The following AMZ1 variants were observed in gnomAD, a reference collection of about 807,000 sequenced individuals.
AMZ1 encodes the protein archaemetzincin-1.
AMZ1 carries 39 observed loss-of-function variants against 29.9 expected under a neutral mutation model. That is an observed-to-expected ratio of 1.30 (90% CI 1.01 to 1.70). The LOEUF is 1.70. Ranked by LOEUF, AMZ1 falls within the 40% of genes most tolerant of loss-of-function variation. The pLI, the probability that AMZ1 is intolerant of heterozygous loss-of-function variation, is 0.00. For synonymous variants in AMZ1, 458 were observed against 304.0 expected, an observed-to-expected ratio of 1.51 and a Z score of -5.27; for missense variants, 1,041 against 680.6, an observed-to-expected ratio of 1.53 and a Z score of -5.89.
chr7:2,756,160 T>C (rs1052682845), intron 4 of AMZ1, among the ~76,000 whole-genome samples: 1 of 152,168 alleles, frequency 6.6e-6, no homozygotes, highest in African/African-American at 2.4e-5. Context: ...ATATGGCCAA[T>C]TGATTTATAA....
chr7:2,758,774 A>C (rs1452180509), intron 4 of AMZ1, among the ~76,000 whole-genome samples: 1 of 152,172 alleles, frequency 6.6e-6, no homozygotes, highest in Non-Finnish European at 1.5e-5. Context: ...TTCAGTGGAT[A>C]ATCAAGTGCA....
At chr7:2,687,129 C>A (rs956863536), upstream of AMZ1, among the ~76,000 whole-genome samples, 1 of 151,948 alleles carries the variant, frequency 6.6e-6, no homozygotes, top group Non-Finnish European at 1.5e-5. Context: ...GAGTTTGATA[C>A]CAGCCTGGCC....
chr7:2,701,475 C>T (rs917562381), intron 2 of AMZ1, among the ~76,000 whole-genome samples: 3 of 152,122 alleles, frequency 2.0e-5, no homozygotes, highest in Admixed American at 6.6e-5. Context: ...TCACTGTCCT[C>T]AGAGCTCTGT....
At chr7:2,757,128 C>CT (rs1562409543) in intron 4 of AMZ1, among the ~76,000 whole-genome samples, 16,547 of 112,386 alleles carry the variant, frequency 0.15, 1,665 homozygotes, top group Non-Finnish European at 0.21. Flanking sequence ...ATCAGGTGGG[C>CT]CTTTTTTTTT....
chr7:2,709,637 C>A lies in AMZ1; in HGVS notation c.772-3C>A. ...GCAAGGTGCTTGGTGGCCTTCCCCC[C>A]AGGTCACGTGCCACGAGCTCTGCCA... On this transcript the variant is annotated splice_polypyrimidine_tract_variant and splice_region_variant and intron_variant, in intron 5 of 6. Transcript: ENST00000683327. 6.2e-7 allele frequency: 1 copy of A among 1,607,452 alleles called. No individual in the cohort carries two copies. Among genetic ancestry groups the A allele is most frequent in the Non-Finnish European group, 8.5e-7 (1 of 1,177,710 alleles).
chr7:2,699,540 C>A (rs542772454), intron 1 of AMZ1, among the ~76,000 whole-genome samples: 26 of 152,022 alleles, frequency 1.7e-4, no homozygotes, highest in African/African-American at 6.3e-4. Flanking sequence ...CGCCCCCCCC[C>A]AAACATATGC....
At position 2,718,429 on chromosome 7, in the gene AMZ1, T is replaced by C. The variant is rs1583188574; in HGVS notation, c.*5551T>C. Among the ~76,000 whole-genome samples, 1 of 152,152 alleles carries C rather than the reference T, an allele frequency of 6.6e-6. No individual in the cohort carries two copies. Among genetic ancestry groups the C allele is most frequent in the East Asian group, 1.9e-4 (1 of 5,174 alleles). On this transcript the variant is annotated 3_prime_UTR_variant, in exon 7 of 7. Transcript: ENST00000683327. ...AAGGGCCCTCACCGCGCTTTGTGAGTCTGTCTCGTGGGCCTCCTTCAGTGG... is the reference window on the plus strand; with the variant it reads ...AAGGGCCCTCACCGCGCTTTGTGAGCCTGTCTCGTGGGCCTCCTTCAGTGG...
chr7:2,702,864 C>A lies in AMZ1; in HGVS notation c.447C>A (p.Asp149Glu). 1 of 1,587,910 alleles carries A rather than the reference C, an allele frequency of 6.3e-7. No homozygotes were observed. ...GCTGCTCCTCGCGGCCCAGCCGGGA[C>A]TCTGACAGGCTCCAGCTCCACACAG... ...SIRCSSRPSR[D>E]SDRLQLHTDG... Residue 149 changes from aspartate to glutamate, a missense_variant, in exon 3 of 7, where the codon GAC (aspartate) becomes GAA (glutamate). Transcript: ENST00000683327.
At position 2,731,303 on chromosome 7, in the gene AMZ1, G is replaced by T; in HGVS notation, n.550+21487G>T. The T allele has an allele frequency of 6.2e-7, 1 of 1,613,846 alleles. No homozygotes were observed. Among genetic ancestry groups the T allele is most frequent in the Non-Finnish European group, 8.5e-7 (1 of 1,179,902 alleles). On this transcript the variant is annotated intron_variant and non_coding_transcript_variant, in intron 4 of 4. Coordinates refer to the AMZ1 transcript ENST00000489665. This position sits in a 1 kb window ranked among gnomAD's most constrained non-coding sequence, Gnocchi z 6.0. ...AAGTGGTGGAAGAGTGGCTTGCTGC[G>T]GTTCCGTCTCTTCCTGTCGAAGCAC...
intron 1 of AMZ1, among the ~76,000 whole-genome samples, chr7:2,689,057 C>T (rs982920388): frequency 2.6e-5 from 4 of 152,220 alleles, no homozygotes; most frequent in African/African-American, 9.6e-5. Context: ...GGTCTAAGCC[C>T]CCGGTTTTCC....
At chr7:2,681,267 G>A (rs2115019744) in intron 1 of AMZ1, among the ~76,000 whole-genome samples, 1 of 152,252 alleles carries the variant, frequency 6.6e-6, no homozygotes, top group East Asian at 1.9e-4. Flanking sequence ...CTCTTGCCCA[G>A]GCTGGAGTGC....
chr7:2,692,156 C>T (rs1197838673), intron 1 of AMZ1, among the ~76,000 whole-genome samples: 2 of 152,164 alleles, frequency 1.3e-5, no homozygotes, highest in Non-Finnish European at 2.9e-5. Flanking sequence ...CGGCTAAGTG[C>T]CTCCTCCTCC....
In AMZ1 at chr7:2,716,824, C is replaced by T. The variant is rs1454956199; in HGVS notation, c.*3946C>T. 2.0e-5 allele frequency among the ~76,000 whole-genome samples: 3 copies of T among 152,210 alleles called. No homozygotes were observed. Among genetic ancestry groups the T allele is most frequent in the African/African-American group, 7.2e-5 (3 of 41,448 alleles). On this transcript the variant is annotated 3_prime_UTR_variant, in exon 7 of 7. Transcript: ENST00000683327. ...CATCATCATCGAGTCTCGAAATGAC[C>T]TGTAAGGCAGATGGCTGCATCCCCA...
At chr7:2,701,808 T>C (rs1026821749) in intron 2 of AMZ1, among the ~76,000 whole-genome samples, 1 of 152,172 alleles carries the variant, frequency 6.6e-6, no homozygotes, top group Non-Finnish European at 1.5e-5. Context: ...ACGCAGCCCC[T>C]TTCCTGCCCC....
At chr7:2,730,420 T>C (rs1326386778) in intron 4 of AMZ1, 2 of 152,532 alleles carry the variant, frequency 1.3e-5, no homozygotes, top group African/African-American at 2.4e-5. Flanking sequence ...CTCCGTGTTG[T>C]GCTGCTGGGC....
chr7:2,713,417 C>G lies in AMZ1; in HGVS notation c.*539C>G, dbSNP rs777082412. On this transcript the variant is annotated 3_prime_UTR_variant, in exon 7 of 7. Coordinates refer to ENST00000683327, the MANE Select transcript of AMZ1 (RefSeq NM_001384743.1). Reference sequence around the variant, plus strand: ...TGTGCTGAGGTTGGGACAGAGCCCCCTCCCCTGCAGAGGCAGAAGGAAGCA... The same window carrying G: ...TGTGCTGAGGTTGGGACAGAGCCCCGTCCCCTGCAGAGGCAGAAGGAAGCA... 1 of 152,648 alleles carries G rather than the reference C, an allele frequency of 6.6e-6. No individual in the cohort carries two copies. Among genetic ancestry groups the G allele is most frequent in the Non-Finnish European group, 1.5e-5 (1 of 68,286 alleles). The allele number at this position is 152,648 out of a possible 1,614,324, so 9.5% of individuals were successfully genotyped here.
chr7:2,697,633 T>G (rs1239191335), intron 1 of AMZ1, among the ~76,000 whole-genome samples: 2 of 151,880 alleles, frequency 1.3e-5, no homozygotes, highest in East Asian at 1.9e-4. Flanking sequence ...CCATGTTGCC[T>G]GGGCTGGTCT....
rs1583184395 is a variant in AMZ1 at position 2,715,045 on chromosome 7, A to G, written c.*2167A>G. 6.6e-6 allele frequency: 1 copy of G among 152,290 alleles called. No homozygotes were observed. The highest frequency in any genetic ancestry group is 1.5e-5 in the Non-Finnish European group (1 of 68,040). The allele number at this position is 152,290 out of a possible 1,614,324, so 9.4% of individuals were successfully genotyped here. On this transcript the variant is annotated 3_prime_UTR_variant, in exon 7 of 7. Transcript: ENST00000683327. ...GTGCCAGAATAAAGAGGGGAGACGA[A>G]AAAAAGAGGGTCACTTTCAGAAAGG...
At chr7:2,734,922 C>T (rs1409392135) in intron 4 of AMZ1, among the ~76,000 whole-genome samples, 1 of 152,178 alleles carries the variant, frequency 6.6e-6, no homozygotes. Flanking sequence ...ACCCCAAGGG[C>T]CCGGCACGAC....
Sources: gnomAD v4.1 joint callset for allele counts (sites outside exome capture counted in the v4.1 genomes callset) on GRCh38, gnomAD v4.1.1 for gene constraint, Gnocchi (gnomAD v3.1) non-coding constraint, MANE v1.5 for transcripts, NCBI Gene and HGNC (gene_info 2026-07-23, HGNC 2026-07-21) for gene names.